The following MEGF8 variants were observed in gnomAD, a reference collection of about 807,000 sequenced individuals.
The protein encoded by MEGF8 is multiple epidermal growth factor-like domains protein 8.
A neutral mutation model predicts 302.9 loss-of-function variants in MEGF8; 156 were observed. The ratio of observed to expected loss-of-function variants is 0.52; its 90% CI spans 0.45 to 0.59. MEGF8 has a LOEUF of 0.59. Among genes scored for constraint, MEGF8 ranks in the 20% least tolerant of loss-of-function variants. MEGF8 has a pLI of 0.00. For synonymous variants in MEGF8, 1,621 were observed against 1,660.5 expected (o/e 0.98, Z 0.58); for missense variants, 3,345 against 3,964.5 (o/e 0.84, Z 4.20).
intron 8 of MEGF8, among the ~76,000 whole-genome samples, chr19:42,343,106 C>T (rs2039238018): frequency 6.6e-6 from 1 of 152,138 alleles, no homozygotes; most frequent in Admixed American, 6.5e-5. Flanking sequence ...TTCAGTCCTC[C>T]CAGCTCCCTG....
Position 42,371,412 on chromosome 19 carries a change from A to G in MEGF8, c.7199A>G (p.Gln2400Arg). 1 of 1,613,968 alleles carries G rather than the reference A, an allele frequency of 6.2e-7. No homozygotes were observed. The highest frequency in any genetic ancestry group is 8.5e-7 in the Non-Finnish European group (1 of 1,179,874). Residue 2400 changes from glutamine (Q) to arginine (R), a missense_variant, in exon 41 of 42, where the codon CAG becomes CGG. Transcript: ENST00000251268. ...CAGGATGGGACGGGCTGTCCATGTC[A>G]GAATAACACAGAGACGGGCACATGC... ...NEQDGTGCPC[Q>R]NNTETGTCQG...
At chr19:42,370,393 G>A in intron 39 of MEGF8, 34 bp downstream of exon 39, 1 of 1,530,384 alleles carries the variant, frequency 6.5e-7, no homozygotes, top group Admixed American at 2.0e-5. Flanking sequence ...TGGGTCTGAG[G>A]GAGGAGGGGC....
Position 42,343,500 on chromosome 19 carries a change from CG to C in MEGF8, c.1539del (p.Tyr514ThrfsTer4). ...PEGRAAPPSG[R>X]YSHVAAVLGG... ...AGGCCGAGCAGCGCCTCCCAGTGGT[CG>C]GTACTCACATGTAGCTGCGGTGCTT... On this transcript the variant is annotated frameshift_variant, in exon 9 of 42. Coordinates refer to ENST00000251268, the MANE Select transcript of MEGF8 (RefSeq NM_001271938.2). LOFTEE classifies it high-confidence loss of function. 1 of 1,608,958 alleles carries C rather than the reference CG, an allele frequency of 6.2e-7. No homozygotes were observed. Among genetic ancestry groups the C allele is most frequent in the Non-Finnish European group, 8.5e-7 (1 of 1,176,268 alleles).
chr19:42,376,782 C>A lies in MEGF8; in HGVS notation c.*7C>A. ...CACCAGCATGTCCCTCTGACATGCCCAGGGTTCTCATCCACAGCAGCTGGG... is the reference window on the plus strand; with the variant it reads ...CACCAGCATGTCCCTCTGACATGCCAAGGGTTCTCATCCACAGCAGCTGGG... On this transcript the variant is annotated 3_prime_UTR_variant, in exon 42 of 42. Coordinates refer to ENST00000251268, the MANE Select transcript of MEGF8 (RefSeq NM_001271938.2). The surrounding 1 kb of genome is among the most constrained non-coding windows in gnomAD (Gnocchi z 8.2). 5 of 1,436,118 alleles carry A rather than the reference C, an allele frequency of 3.5e-6. No homozygotes were observed. Among genetic ancestry groups the A allele is most frequent in the Non-Finnish European group, 4.6e-6 (5 of 1,097,882 alleles). 89.0% of individuals were successfully genotyped at this position (1,436,118 alleles called of 1,614,324 possible). A position where few individuals can be genotyped will look rare whatever the true frequency, so the allele number is the denominator to read the frequency against.
chr19:42,358,842 G>A lies in MEGF8; in HGVS notation c.5231G>A (p.Gly1744Glu). 6.2e-7 allele frequency: 1 copy of A among 1,604,046 alleles called. No homozygotes were observed. The highest frequency in any genetic ancestry group is 8.5e-7 in the Non-Finnish European group (1 of 1,175,794). The change falls in exon 30 of 42, where the codon GGG (glycine) becomes GAG (glutamate). Residue 1744 changes from glycine to glutamate, a missense_variant. Coordinates refer to ENST00000251268, the MANE Select transcript of MEGF8 (RefSeq NM_001271938.2). This position sits in a 1 kb window ranked among gnomAD's most constrained non-coding sequence, Gnocchi z 4.4. Reference sequence around the variant, plus strand: ...TCTCGGGGTCTGGGCCAAGTTCCTGGGGAGCAGCCTGGGTCATGGGGGTTC... The same window carrying A: ...TCTCGGGGTCTGGGCCAAGTTCCTGAGGAGCAGCCTGGGTCATGGGGGTTC... ...GSSRGLGQVP[G>E]EQPGSWGFRE...
In MEGF8 at chr19:42,361,017, C is replaced by A. The variant is rs754140460; in HGVS notation, c.5720+11C>A. ...GGATCAGGCCCACAGGTAACCATGG[C>A]GACCATGACAGGCAGTGGGGAGTGG... On this transcript the variant is annotated intron_variant, in intron 32 of 41. Transcript: ENST00000251268. 2 of 1,534,136 alleles carry A rather than the reference C, an allele frequency of 1.3e-6. No homozygotes were observed. Among genetic ancestry groups the A allele is most frequent in the South Asian group, 1.3e-5 (1 of 78,066 alleles).
At position 42,359,087 on chromosome 19, in the gene MEGF8, C is replaced by CGCG; in HGVS notation, c.5344-11_5344-10insGCG. On this transcript the variant is annotated splice_polypyrimidine_tract_variant and intron_variant, in intron 30 of 41. Transcript: ENST00000251268. ...GCTGTCCTGTCCCCCCACCCCCCGT[C>CGCG]TCCCCAACAGCCCCGCCCCCGGCTT... is the stretch of plus-strand genomic sequence containing the variant. 3 of 1,476,616 alleles carry CGCG rather than the reference C, an allele frequency of 2.0e-6. No homozygotes were observed. Among genetic ancestry groups the CGCG allele is most frequent in the Non-Finnish European group, 2.7e-6 (3 of 1,096,246 alleles). The allele number at this position is 1,476,616 out of a possible 1,614,324, so 91.5% of individuals were successfully genotyped here.
intron 35 of MEGF8, among the ~76,000 whole-genome samples, chr19:42,366,345 T>G (rs909956956): frequency 6.6e-6 from 1 of 152,074 alleles, no homozygotes; most frequent in Non-Finnish European, 1.5e-5. Flanking sequence ...GGACTATAGA[T>G]GCACGCCACC....
chr19:42,378,270 T>TC lies in MEGF8; in HGVS notation c.*1496dup, dbSNP rs1211548580. ...GACCCCCAGGCTGCAGGGATAAAGC[T>TC]CAGTGGTGGTGTTACCTCACCGGGG... On this transcript the variant is annotated 3_prime_UTR_variant, in exon 42 of 42. Transcript: ENST00000251268. 6.6e-6 allele frequency: 1 copy of TC among 152,324 alleles called. No homozygotes were observed. Among genetic ancestry groups the TC allele is most frequent in the Non-Finnish European group, 1.5e-5 (1 of 68,052 alleles). 9.4% of individuals were successfully genotyped at this position (152,324 alleles called of 1,614,324 possible).
rs1473436826 is a variant in MEGF8, at chr19:42,353,931, C to T, written c.3918C>T (p.Val1306=). 1 of 1,587,824 alleles carries T rather than the reference C, an allele frequency of 6.3e-7. No homozygotes were observed. Among genetic ancestry groups the T allele is most frequent in the African/African-American group, 1.3e-5 (1 of 74,272 alleles). Residue 1306 remains valine (V), a synonymous_variant, in exon 22 of 42, where the codon GTC becomes GTT. Transcript: ENST00000251268. The surrounding 1 kb of genome is among the most constrained non-coding windows in gnomAD (Gnocchi z 6.1). ...GCCTGTCCTACTGTGTGTGGGTTGT[C>T]TCGGCCACTGAGGAGCTACAGCCCT... ...GPGLSYCVWV[V]SATEELQPCA...
chr19:42,343,624 C>T lies in MEGF8; in HGVS notation c.1661C>T (p.Ala554Val). The T allele has an allele frequency of 6.2e-7, 1 of 1,604,926 alleles. No individual in the cohort carries two copies. The highest frequency in any genetic ancestry group is 8.5e-7 in the Non-Finnish European group (1 of 1,175,116). ...CCCCCCTTTGTGTTCCAGGCACCTG[C>T]CCCTGACGTGAGCACTGGGGTGACA... ...KVPPFVFQAPAPDYHLDYCSM... is the reference protein window; with the variant it reads ...KVPPFVFQAPVPDYHLDYCSM... The change falls in exon 9 of 42, where the codon GCC becomes GTC. Residue 554 changes from alanine to valine, a missense_variant. By Grantham distance (64) the Ala-to-Val change is moderately conservative. Transcript: ENST00000251268.
At chr19:42,328,860 G>C (rs2039019780) in intron 1 of MEGF8, among the ~76,000 whole-genome samples, 1 of 151,626 alleles carries the variant, frequency 6.6e-6, no homozygotes, top group Non-Finnish European at 1.5e-5. Context: ...CAAAAAAAAA[G>C]AAAAAACGTC....
intron 31 of MEGF8, 125 bp downstream of exon 31, chr19:42,359,367 C>G: frequency 1.2e-6 from 1 of 822,806 alleles, no homozygotes; most frequent in East Asian, 3.3e-5. Context: ...AGCTCCCGCT[C>G]TTCTGGATTA....
intron 12 of MEGF8, among the ~76,000 whole-genome samples, chr19:42,347,771 G>A (rs985021389): frequency 6.6e-6 from 1 of 151,860 alleles, no homozygotes; most frequent in Non-Finnish European, 1.5e-5. Context: ...GCCGTGCCCA[G>A]CCTTCATTCT....
At position 42,326,363 on chromosome 19, in the gene MEGF8, GC is replaced by G; in HGVS notation, c.122del (p.Pro41GlnfsTer4). 6.3e-7 allele frequency: 1 copy of G among 1,587,878 alleles called. No individual in the cohort carries two copies. The highest frequency in any genetic ancestry group is 1.8e-5 in the Admixed American group (1 of 54,368). On this transcript the variant is annotated frameshift_variant, in exon 1 of 42. Coordinates refer to ENST00000251268, the MANE Select transcript of MEGF8 (RefSeq NM_001271938.2). LOFTEE classifies it high-confidence loss of function. The part of the protein sequence containing the change: ...KGQRQVLREA[P>X]GFVTDGAGNY... ...GGCAGCGGCAGGTGCTGCGGGAGGCGCCAGGCTTCGTGACGGATGGTGCGGG... is the reference window on the plus strand; with the variant it reads ...GGCAGCGGCAGGTGCTGCGGGAGGCGCAGGCTTCGTGACGGATGGTGCGGG...
intron 33 of MEGF8, 70 bp downstream of exon 33, chr19:42,362,283 G>A: frequency 6.2e-7 from 1 of 1,609,560 alleles, no homozygotes; most frequent in Non-Finnish European, 8.5e-7. Flanking sequence ...CTCCACTCTG[G>A]TCAGCTGTCC....
At chr19:42,337,502 T>C (rs1161906915) in intron 8 of MEGF8, among the ~76,000 whole-genome samples, 1 of 151,292 alleles carries the variant, frequency 6.6e-6, no homozygotes, top group African/African-American at 2.4e-5. Flanking sequence ...CTTTCTTTTC[T>C]TTTCTTTTTT....
intron 8 of MEGF8, among the ~76,000 whole-genome samples, chr19:42,340,272 C>T (rs1245145267): frequency 6.6e-6 from 1 of 152,068 alleles, no homozygotes; most frequent in Non-Finnish European, 1.5e-5. Flanking sequence ...CTCTGTTGCC[C>T]AGACTGAAGT....
In MEGF8 at chr19:42,357,044, G is replaced by A; in HGVS notation, c.4830+63G>A. Reference sequence around the variant, plus strand: ...ACTGGGCCCTGACAGAGACAGCTGTGGTAGCTCCTGCCAGCTCCATCCCCA... The same window carrying A: ...ACTGGGCCCTGACAGAGACAGCTGTAGTAGCTCCTGCCAGCTCCATCCCCA... On this transcript the variant is annotated intron_variant, in intron 27 of 41. Coordinates refer to ENST00000251268, the MANE Select transcript of MEGF8 (RefSeq NM_001271938.2). The surrounding 1 kb of genome is among the most constrained non-coding windows in gnomAD (Gnocchi z 5.2). 3.5e-6 allele frequency: 5 copies of A among 1,447,610 alleles called. No individual in the cohort carries two copies. The highest frequency in any genetic ancestry group is 4.6e-6 in the Non-Finnish European group (5 of 1,076,672). 89.7% of individuals were successfully genotyped at this position (1,447,610 alleles called of 1,614,324 possible).
Sources: allele counts gnomAD v4.1 joint callset (sites outside exome capture counted in the v4.1 genomes callset), GRCh38; gene constraint gnomAD v4.1.1; non-coding constraint Gnocchi (gnomAD v3.1); transcripts MANE v1.5; gene names NCBI Gene and HGNC (gene_info 2026-07-23, HGNC 2026-07-21).